LYN: variants seen among roughly 807,000 people sequenced by gnomAD.
The protein encoded by LYN is LYN proto-oncogene, Src family tyrosine kinase, also known as tyrosine-protein kinase Lyn.
LYN carries 12 observed loss-of-function variants against 65.0 expected under a neutral mutation model. That is an observed-to-expected ratio of 0.18 (90% CI 0.12 to 0.30). The LOEUF (loss-of-function observed/expected upper bound fraction) is 0.30, where lower values mean the gene tolerates loss of function less well. Among genes scored for constraint, LYN ranks in the 10% least tolerant of loss-of-function variants. LYN has a pLI of 1.00. For synonymous variants in LYN, 222 were observed against 221.2 expected, an observed-to-expected ratio of 1.00 and a Z score of -0.03; for missense variants, 380 against 623.2, an observed-to-expected ratio of 0.61 and a Z score of 4.16.
intron 8 of LYN, among the ~76,000 whole-genome samples, chr8:55,958,560 A>C (rs927662873): frequency 6.6e-6 from 1 of 152,220 alleles, no homozygotes; most frequent in Admixed American, 6.5e-5. Context: ...TTATGCAACC[A>C]ATCTCCAGAC....
intron 8 of LYN, among the ~76,000 whole-genome samples, chr8:55,958,042 G>T (rs549032434): frequency 6.6e-6 from 1 of 152,298 alleles, no homozygotes; most frequent in African/African-American, 2.4e-5. Context: ...TCCTGCAGGG[G>T]GTGCCTGGCG....
At chr8:55,883,158 G>GA (rs1299829867) in intron 1 of LYN, among the ~76,000 whole-genome samples, 1 of 152,170 alleles carries the variant, frequency 6.6e-6, no homozygotes, top group Non-Finnish European at 1.5e-5. Context: ...TATTAAAAGT[G>GA]AAAAATGAAA....
intron 1 of LYN, among the ~76,000 whole-genome samples, chr8:55,884,279 A>G (rs547745199): frequency 6.6e-6 from 1 of 152,032 alleles, no homozygotes; most frequent in African/African-American, 2.4e-5. Context: ...TAATTTTTGT[A>G]TTTCCTGTAG....
chr8:55,967,306 A>ATTTTTTTTTTTTTTTTTTTTTTTTTT (rs35631616), intron 9 of LYN, among the ~76,000 whole-genome samples: 1 of 95,130 alleles, frequency 1.1e-5, no homozygotes. Flanking sequence ...TTCCTCTTTC[A>ATTTTTTTTTTTTTTTTTTTTTTTTTT]TTTTTTTTTT....
At chr8:55,975,693 A>G (rs546034370) in intron 10 of LYN, among the ~76,000 whole-genome samples, 13 of 152,336 alleles carry the variant, frequency 8.5e-5, no homozygotes, top group Admixed American at 7.2e-4. Flanking sequence ...AAATGGACAA[A>G]TGAAACTAGT....
intron 10 of LYN, among the ~76,000 whole-genome samples, chr8:55,983,831 C>G (rs150820827): frequency 6.6e-6 from 1 of 152,324 alleles, no homozygotes; most frequent in East Asian, 1.9e-4. Context: ...CACACTAAGT[C>G]TCCTAAGTGA....
chr8:55,882,160 G>A (rs1210099554), intron 1 of LYN, among the ~76,000 whole-genome samples: 1 of 152,142 alleles, frequency 6.6e-6, no homozygotes, highest in East Asian at 1.9e-4. Flanking sequence ...TGGAAGAGAG[G>A]TCCTGATGTG....
At position 55,947,631 on chromosome 8, in the gene LYN, A is replaced by G. The variant is rs1488697998; in HGVS notation, c.192A>G (p.Gln64=). The change falls in exon 4 of 13, where the codon CAA becomes CAG. Residue 64 remains glutamine (Q), a synonymous_variant. Transcript: ENST00000519728. ...GTTCATCTTTAGATCCAGAGGAACA[A>G]GGAGACATTGTGGTAGCCTTGTACC... ...QRFQTKDPEE[Q]GDIVVALYPY... is the part of the protein sequence containing the mutation. The G allele has an allele frequency of 6.2e-7, 1 of 1,612,638 alleles. No individual in the cohort carries two copies. Among genetic ancestry groups the G allele is most frequent in the Admixed American group, 1.7e-5 (1 of 60,014 alleles).
At chr8:55,918,562 G>T (rs1185854330) in intron 1 of LYN, among the ~76,000 whole-genome samples, 1 of 152,224 alleles carries the variant, frequency 6.6e-6, no homozygotes, top group Non-Finnish European at 1.5e-5. Flanking sequence ...AGAAACGATT[G>T]TTAAGGAATA....
chr8:55,933,151 CTT>C (rs1052433296), intron 1 of LYN, among the ~76,000 whole-genome samples: 38 of 152,212 alleles, frequency 2.5e-4, no homozygotes, highest in Non-Finnish European at 5.4e-4. Context: ...TTACTATACT[CTT>C]AAGCTATGAA....
At chr8:55,994,823 G>T (rs1808332565) in intron 10 of LYN, among the ~76,000 whole-genome samples, 1 of 152,168 alleles carries the variant, frequency 6.6e-6, no homozygotes. Flanking sequence ...GAGCCGGGAG[G>T]CTGGGACAGA....
chr8:55,914,558 C>T (rs377378702), intron 1 of LYN, among the ~76,000 whole-genome samples: 1 of 152,114 alleles, frequency 6.6e-6, no homozygotes, highest in Admixed American at 6.6e-5. Context: ...GCCGGCCATC[C>T]ACATGCCTTC....
At chr8:55,967,123 G>A (rs1054729546) in intron 9 of LYN, among the ~76,000 whole-genome samples, 2 of 150,732 alleles carry the variant, frequency 1.3e-5, no homozygotes, top group Admixed American at 6.7e-5. Context: ...ATCTGCCTGC[G>A]TGTACCTATT....
intron 10 of LYN, among the ~76,000 whole-genome samples, chr8:55,989,096 T>A (rs1808166111): frequency 6.6e-6 from 1 of 152,242 alleles, no homozygotes; most frequent in South Asian, 2.1e-4. Context: ...GAGCAAACAG[T>A]CCACAGGGCA....
At chr8:55,906,436 T>C (rs1320294116) in intron 1 of LYN, among the ~76,000 whole-genome samples, 1 of 152,136 alleles carries the variant, frequency 6.6e-6, no homozygotes, top group African/African-American at 2.4e-5. Flanking sequence ...TTCGGTTCAC[T>C]GCAACTTCCA....
intron 1 of LYN, among the ~76,000 whole-genome samples, chr8:55,881,664 G>A (rs1050996269): frequency 6.6e-6 from 1 of 152,216 alleles, no homozygotes; most frequent in African/African-American, 2.4e-5. Context: ...TAGGAGCCAG[G>A]AACCTTGAGT....
At chr8:55,937,399 TTTGA>T (rs535101200) in intron 1 of LYN, among the ~76,000 whole-genome samples, 4 of 152,206 alleles carry the variant, frequency 2.6e-5, no homozygotes, top group African/African-American at 9.7e-5. Context: ...TTCTTGATTG[TTTGA>T]TTAAGAATGT....
chr8:55,895,791 A>G (rs762154707), intron 1 of LYN: 11 of 152,288 alleles, frequency 7.2e-5, no homozygotes, highest in Non-Finnish European at 1.5e-4. Flanking sequence ...TAAACGGGGT[A>G]ATGTACCTGG....
In LYN at chr8:55,939,172, A is replaced by G. The variant is rs191858734; in HGVS notation, c.-5-2683A>G. On this transcript the variant is annotated intron_variant, in intron 1 of 12. Coordinates refer to ENST00000519728, the MANE Select transcript of LYN (RefSeq NM_002350.4). ...AGTTTGGGTTGCTCATCCCCATGTC[A>G]CATGGAGGACCTCTGTTGAGGTTTC... Among the ~76,000 whole-genome samples the G allele has an allele frequency of 2.8e-4, 42 of 152,298 alleles. No individual in the cohort carries two copies. In the East Asian group the frequency reaches 5.8e-3, roughly 21 times the overall value.
Sources: allele counts gnomAD v4.1 joint callset (sites outside exome capture counted in the v4.1 genomes callset), GRCh38; gene constraint gnomAD v4.1.1; transcripts MANE v1.5; gene names NCBI Gene and HGNC (gene_info 2026-07-23, HGNC 2026-07-21).